DDX60L: variants seen among roughly 807,000 people sequenced by gnomAD.
DDX60L encodes probable ATP-dependent RNA helicase DDX60-like.
DDX60L carries 191 observed loss-of-function variants against 211.6 expected under a neutral mutation model. That is an observed-to-expected ratio of 0.90 (90% CI 0.80 to 1.02). The LOEUF (loss-of-function observed/expected upper bound fraction) is 1.02. Among genes scored for constraint, DDX60L ranks in the 50% least tolerant of loss-of-function variants. The pLI, the probability that DDX60L is intolerant of heterozygous loss-of-function variation, is 0.00. For synonymous variants in DDX60L, 706 were observed against 694.1 expected, an observed-to-expected ratio of 1.02 and a Z score of -0.27; for missense variants, 2,007 against 1,984.1, an observed-to-expected ratio of 1.01 and a Z score of -0.22.
At position 168,415,647 on chromosome 4, in the gene DDX60L, A is replaced by T. The variant is rs1561021826; in HGVS notation, c.2869+10T>A. ...AAATATATAGTAAAACATAAAAAAA[A>T]TAAGCTTACCAAGTCTAACTTCATA... On this transcript the variant is annotated intron_variant, in intron 21 of 37. Coordinates refer to ENST00000682922, the MANE Select transcript of DDX60L (RefSeq NM_001012967.3). The T allele has an allele frequency of 1.3e-6, 2 of 1,539,726 alleles. No individual in the cohort carries two copies. The highest frequency in any genetic ancestry group is 4.0e-5 in the Admixed American group (2 of 50,366).
intron 14 of DDX60L, 120 bp downstream of exon 14, chr4:168,426,950 A>G: frequency 8.8e-7 from 1 of 1,142,802 alleles, no homozygotes; most frequent in Non-Finnish European, 1.2e-6. Flanking sequence ...GGTCATGTTG[A>G]CAATAAAATC....
chr4:168,401,809 T>G (rs1438631437), intron 25 of DDX60L, among the ~76,000 whole-genome samples: 4 of 152,190 alleles, frequency 2.6e-5, no homozygotes. Context: ...CTGATCAGCA[T>G]TAAATTAATA....
At chr4:168,466,986 G>A (rs925730331) in intron 4 of DDX60L, among the ~76,000 whole-genome samples, 3 of 152,138 alleles carry the variant, frequency 2.0e-5, no homozygotes, top group Non-Finnish European at 4.4e-5. Flanking sequence ...GTTAGAATAC[G>A]TGTTGCTTTT....
intron 4 of DDX60L, among the ~76,000 whole-genome samples, chr4:168,466,827 T>A (rs950801453): frequency 6.6e-6 from 1 of 152,222 alleles, no homozygotes; most frequent in African/African-American, 2.4e-5. Context: ...ACAATCTGTG[T>A]GCTTTGTTGC....
At chr4:168,420,124 T>A (rs1750251901) in intron 18 of DDX60L, 137 bp downstream of exon 18, 1 of 755,918 alleles carries the variant, frequency 1.3e-6, no homozygotes, top group Non-Finnish European at 2.0e-6. Context: ...AAATTTTCCT[T>A]AGAGCAATTT....
At chr4:168,478,488 A>G (rs1759919540) in intron 1 of DDX60L, among the ~76,000 whole-genome samples, 1 of 152,238 alleles carries the variant, frequency 6.6e-6, no homozygotes, top group Non-Finnish European at 1.5e-5. Context: ...AAATGGTTAC[A>G]TCAGTAAAAC....
chr4:168,400,929 G>A lies in DDX60L; in HGVS notation c.3388C>T (p.Leu1130=), dbSNP rs1241153138. ...GKRAGSVCTF[L]EKTETKSHPH... ...TGGCTTTTTGTCTCTGTCTTCTCCA[G>A]AAAAGTGCACACACTTCCAGCTCTT... The change falls in exon 26 of 38, where the codon CTG becomes TTG. Residue 1130 remains leucine, a synonymous_variant. Coordinates refer to ENST00000682922, the MANE Select transcript of DDX60L (RefSeq NM_001012967.3). The A allele has an allele frequency of 1.2e-6, 2 of 1,613,498 alleles. No homozygotes were observed. The highest frequency in any genetic ancestry group is 1.7e-6 in the Non-Finnish European group (2 of 1,179,662).
At chr4:168,436,069 AT>A (rs933830765) in intron 10 of DDX60L, among the ~76,000 whole-genome samples, 75 of 152,326 alleles carry the variant, frequency 4.9e-4, no homozygotes, top group African/African-American at 1.7e-3. Context: ...ACAATAAAAA[AT>A]AAAGTATAAT....
intron 18 of DDX60L, among the ~76,000 whole-genome samples, chr4:168,420,009 G>GT (rs1750229570): frequency 6.6e-6 from 1 of 152,120 alleles, no homozygotes; most frequent in Non-Finnish European, 1.5e-5. Flanking sequence ...CCCTCTCTAA[G>GT]TTATAATGAA....
At chr4:168,364,637 T>C (rs1739657834) in intron 36 of DDX60L, among the ~76,000 whole-genome samples, 1 of 152,080 alleles carries the variant, frequency 6.6e-6, no homozygotes, top group Non-Finnish European at 1.5e-5. Context: ...CACCTCAACC[T>C]CCCAAAGTGC....
At position 168,395,795 on chromosome 4, in the gene DDX60L, AC is replaced by A. The variant is rs551668690; in HGVS notation, c.3657+163del. 1.8e-4 allele frequency: 103 copies of A among 580,616 alleles called. 3 individuals carry two copies. The South Asian group carries it at 2.4e-3, about 14-fold the overall frequency. The allele number at this position is 580,616 out of a possible 1,614,324, so 36.0% of individuals were successfully genotyped here. ...GAAGAGTCACTTATAGAACTTTAGC[AC>A]ATTAAATTGGGATAATCATTGCAAA... On this transcript the variant is annotated intron_variant, in intron 27 of 37. Coordinates refer to ENST00000682922, the MANE Select transcript of DDX60L (RefSeq NM_001012967.3).
chr4:168,358,966 A>C (rs1349595111), intron 37 of DDX60L, among the ~76,000 whole-genome samples: 1 of 152,118 alleles, frequency 6.6e-6, no homozygotes, highest in Non-Finnish European at 1.5e-5. Flanking sequence ...TAATATAGGG[A>C]CAATTATTTT....
chr4:168,413,392 G>A (rs951767326), intron 22 of DDX60L, among the ~76,000 whole-genome samples: 1 of 151,890 alleles, frequency 6.6e-6, no homozygotes, highest in African/African-American at 2.4e-5. Flanking sequence ...AAATGCTAGC[G>A]AACTGAGTTA....
chr4:168,365,898 A>T (rs2684359), intron 36 of DDX60L, among the ~76,000 whole-genome samples: 7 of 152,118 alleles, frequency 4.6e-5, no homozygotes, highest in African/African-American at 1.4e-4. Context: ...TGAGATAAAT[A>T]GCATTAACAG....
chr4:168,467,842 C>A (rs578178171), intron 4 of DDX60L, among the ~76,000 whole-genome samples: 23 of 152,206 alleles, frequency 1.5e-4, no homozygotes, highest in Middle Eastern at 3.4e-3. Context: ...TCGGCATGAT[C>A]CTGATACCAA....
In DDX60L at chr4:168,448,795, A is replaced by G. The variant is rs1396255452; in HGVS notation, c.997-16T>C. 4 of 1,596,494 alleles carry G rather than the reference A, an allele frequency of 2.5e-6. No homozygotes were observed. In the African/African-American group the frequency reaches 5.4e-5, roughly 22 times the overall value. On this transcript the variant is annotated splice_polypyrimidine_tract_variant and intron_variant, in intron 8 of 37. Coordinates refer to ENST00000682922, the MANE Select transcript of DDX60L (RefSeq NM_001012967.3). ...ACCACTTGTTCTGAAAATTAAAAAT[A>G]AAACATTATTAGCAGGGAGGCATGG...
At chr4:168,432,243 T>TA (rs1752464545) in intron 12 of DDX60L, among the ~76,000 whole-genome samples, 1 of 111,622 alleles carries the variant, frequency 9.0e-6, no homozygotes, top group African/African-American at 2.7e-5. Context: ...ATATATATAT[T>TA]GTGTGTGTGT....
intron 4 of DDX60L, among the ~76,000 whole-genome samples, chr4:168,465,216 T>C (rs1561130502): frequency 1.3e-5 from 2 of 152,030 alleles, no homozygotes; most frequent in Non-Finnish European, 2.9e-5. Context: ...CTTATTATGG[T>C]TTGGATTTGC....
At chr4:168,430,116 T>C (rs1026421816) in intron 13 of DDX60L, among the ~76,000 whole-genome samples, 12 of 152,220 alleles carry the variant, frequency 7.9e-5, no homozygotes, top group African/African-American at 2.9e-4. Context: ...GAAGAATTGC[T>C]TCAACCCGGG....
Sources: allele counts gnomAD v4.1 joint callset (sites outside exome capture counted in the v4.1 genomes callset), GRCh38; gene constraint gnomAD v4.1.1; transcripts MANE v1.5; gene names NCBI Gene and HGNC (gene_info 2026-07-23, HGNC 2026-07-21).